Variants in ABCC4 observed in about 807,000 individuals in gnomAD.
ABCC4 encodes ATP-binding cassette sub-family C member 4.
Under a neutral mutation model 168.5 loss-of-function variants are expected in ABCC4, and 102 were observed. The ratio of observed to expected loss-of-function variants is 0.61; its 90% CI spans 0.52 to 0.71. ABCC4 has a LOEUF of 0.71. ABCC4 is among the 30% of genes least tolerant of loss of function. The pLI is 0.00. For missense variants in ABCC4, 1,402 were observed against 1,605.8 expected (o/e 0.87, Z 2.17); for synonymous variants, 617 against 590.7 (o/e 1.04, Z -0.65).
At chr13:95,210,381 C>T (rs1435397268) in intron 5 of ABCC4, among the ~76,000 whole-genome samples, 1 of 152,214 alleles carries the variant, frequency 6.6e-6, no homozygotes, top group African/African-American at 2.4e-5. Context: ...ATCGGGTGTT[C>T]ACGCACTTGT....
At chr13:95,121,388 T>C (rs186503937) in intron 19 of ABCC4, among the ~76,000 whole-genome samples, 49 of 151,872 alleles carry the variant, frequency 3.2e-4, no homozygotes, top group African/African-American at 1.2e-3. Flanking sequence ...GTGCGAAGGA[T>C]CCCCAGGGCT....
intron 1 of ABCC4, among the ~76,000 whole-genome samples, chr13:95,273,845 T>A (rs1323255203): frequency 7.6e-6 from 1 of 131,964 alleles, no homozygotes; most frequent in Non-Finnish European, 1.5e-5. Flanking sequence ...TGAGACGGAG[T>A]CTTGCTGTTG....
chr13:95,257,696 A>G (rs12100301), intron 1 of ABCC4, among the ~76,000 whole-genome samples: 50,222 of 151,528 alleles, frequency 0.33, 8,959 homozygotes, highest in East Asian at 0.5. Flanking sequence ...AAAAAAAAGA[A>G]AATCTGCACA....
At chr13:95,111,081 A>C (rs1164070905) in intron 20 of ABCC4, among the ~76,000 whole-genome samples, 1 of 152,066 alleles carries the variant, frequency 6.6e-6, no homozygotes, top group Non-Finnish European at 1.5e-5. Context: ...TTGTTGATTT[A>C]CGCAAACATA....
chr13:95,295,643 G>T (rs1426892208), intron 1 of ABCC4, among the ~76,000 whole-genome samples: 1 of 151,318 alleles, frequency 6.6e-6, no homozygotes, highest in Non-Finnish European at 1.5e-5. Flanking sequence ...GGGCAACAGA[G>T]CAAGACTCCG....
chr13:95,257,393 G>A (rs1016926048), intron 1 of ABCC4, among the ~76,000 whole-genome samples: 6 of 152,122 alleles, frequency 3.9e-5, no homozygotes, highest in African/African-American at 7.2e-5. Flanking sequence ...CACGTAGGCC[G>A]GGCGCAGCAC....
intron 20 of ABCC4, among the ~76,000 whole-genome samples, chr13:95,084,996 C>T (rs1042715485): frequency 2.0e-5 from 3 of 152,248 alleles, no homozygotes; most frequent in South Asian, 4.1e-4. Flanking sequence ...TTAGTCCCTA[C>T]CTACTCTGAA....
chr13:95,150,885 G>T (rs1479390), intron 19 of ABCC4, among the ~76,000 whole-genome samples: 63,824 of 151,996 alleles, frequency 0.42, 16,185 homozygotes, highest in African/African-American at 0.72. Flanking sequence ...GAGTCCACTT[G>T]AAGCTTAGAG....
intron 20 of ABCC4, among the ~76,000 whole-genome samples, chr13:95,102,491 C>T (rs2034845879): frequency 6.6e-6 from 1 of 152,052 alleles, no homozygotes; most frequent in Non-Finnish European, 1.5e-5. Context: ...ACTATGTCGC[C>T]CAGGCTGGTT....
Position 95,209,542 on chromosome 13 carries a change from GT to G in ABCC4, c.676del (p.Thr226LeufsTer8), listed in dbSNP as rs769643713. The G allele has an allele frequency of 1.2e-6, 2 of 1,614,052 alleles. No individual in the cohort carries two copies. The highest frequency in any genetic ancestry group is 4.5e-5 in the East Asian group (2 of 44,902). On this transcript the variant is annotated frameshift_variant, in exon 6 of 31. Coordinates refer to ENST00000645237, the MANE Select transcript of ABCC4 (RefSeq NM_005845.5). LOFTEE classifies it high-confidence loss of function. Reference protein sequence around the residue: ...WAGPLQAIAVTALLWMEIGIS... With the variant: ...WAGPLQAIAVXALLWMEIGIS... Reference sequence around the variant, plus strand: ...TCCTATCTCCATCCAGAGTAGGGCAGTCACTGCAATCGCCTGCAGTGGTCCT... The same window carrying G: ...TCCTATCTCCATCCAGAGTAGGGCAGCACTGCAATCGCCTGCAGTGGTCCT...
chr13:95,266,302 A>T (rs2040673352), intron 1 of ABCC4: 1 of 152,344 alleles, frequency 6.6e-6, no homozygotes, highest in African/African-American at 2.4e-5. Context: ...AGATGTAAAC[A>T]CAGGTAGAGA....
chr13:95,247,293 G>C (rs1170882720), intron 2 of ABCC4, among the ~76,000 whole-genome samples, 198 bp from the exon 3 acceptor site: 1 of 152,098 alleles, frequency 6.6e-6, no homozygotes, highest in Non-Finnish European at 1.5e-5. Context: ...GCCTTGAGGG[G>C]AAGTCTGGGG....
chr13:95,216,605 T>A (rs1360592285), intron 4 of ABCC4, among the ~76,000 whole-genome samples: 2 of 33,772 alleles, frequency 5.9e-5, no homozygotes, highest in African/African-American at 1.4e-4. Flanking sequence ...TGCAGGAAAT[T>A]CACAAAAAAA....
chr13:95,297,222 G>A (rs1481535700), intron 1 of ABCC4, among the ~76,000 whole-genome samples: 2 of 143,136 alleles, frequency 1.4e-5, no homozygotes, highest in African/African-American at 2.6e-5. Context: ...AGTGAGCCGA[G>A]ATCACACCAC....
At chr13:95,144,466 T>A (rs966260865) in intron 19 of ABCC4, among the ~76,000 whole-genome samples, 1 of 152,116 alleles carries the variant, frequency 6.6e-6, no homozygotes, top group Non-Finnish European at 1.5e-5. Context: ...ACTACCTCTC[T>A]TCGTAGACGA....
chr13:95,142,570 T>C (rs1297403275), intron 19 of ABCC4, among the ~76,000 whole-genome samples: 2 of 151,400 alleles, frequency 1.3e-5, no homozygotes, highest in East Asian at 1.9e-4. Context: ...TGCTCCCCAA[T>C]AGCCTATGGA....
intron 19 of ABCC4, among the ~76,000 whole-genome samples, chr13:95,122,081 C>CCG (rs1171388115): frequency 6.6e-6 from 1 of 152,218 alleles, no homozygotes; most frequent in Non-Finnish European, 1.5e-5. Flanking sequence ...AAACCCCACT[C>CCG]TTCAGGGCAA....
intron 4 of ABCC4, among the ~76,000 whole-genome samples, chr13:95,232,196 T>C (rs922398410): frequency 6.6e-6 from 1 of 151,882 alleles, no homozygotes. Flanking sequence ...GTACAAGCCT[T>C]GTTATCATTT....
intron 8 of ABCC4, among the ~76,000 whole-genome samples, chr13:95,196,095 A>T (rs61965914): frequency 0.14 from 20,879 of 152,176 alleles, 1,938 homozygotes; most frequent in Non-Finnish European, 0.2. Context: ...ATAATGATAT[A>T]TGGGAAAACT....
Sources: allele counts gnomAD v4.1 joint callset (sites outside exome capture counted in the v4.1 genomes callset), GRCh38; gene constraint gnomAD v4.1.1; transcripts MANE v1.5; gene names NCBI Gene and HGNC (gene_info 2026-07-23, HGNC 2026-07-21).